The following FAM149A variants were observed in gnomAD, a reference collection of about 807,000 sequenced individuals.
FAM149A encodes the protein family with sequence similarity 149 member A, also known as protein FAM149A.
In FAM149A, 71 loss-of-function variants were observed where a neutral mutation model predicts 78.2. The observed-to-expected ratio is 0.91, with a 90% CI of 0.75 to 1.11. The LOEUF is 1.11. FAM149A is among the 50% of genes least tolerant of loss of function. The pLI, the probability that FAM149A is intolerant of heterozygous loss-of-function variation, is 0.00. For synonymous variants in FAM149A, 446 were observed against 410.5 expected (o/e 1.09, Z -1.04); for missense variants, 1,036 against 971.0 (o/e 1.07, Z -0.89).
chr4:186,123,993 T>C (rs1245960257), intron 1 of FAM149A: 2 of 985,228 alleles, frequency 2.0e-6, no homozygotes, highest in Non-Finnish European at 2.4e-6. Context: ...TTTTCTAATG[T>C]GTGAAAGAAG....
At chr4:186,137,373 C>T (rs1319102182) in intron 1 of FAM149A, among the ~76,000 whole-genome samples, 2 of 151,836 alleles carry the variant, frequency 1.3e-5, no homozygotes, top group African/African-American at 2.4e-5. Context: ...CTGGTCAGAG[C>T]GAAAGCATAC....
chr4:186,143,810 C>T (rs1183681386), intron 1 of FAM149A, among the ~76,000 whole-genome samples: 6 of 152,176 alleles, frequency 3.9e-5, no homozygotes, highest in South Asian at 2.1e-4. Context: ...GGATTACAGG[C>T]GTGAGCCACC....
chr4:186,110,447 GGTTA>G (rs2099310757), intron 1 of FAM149A: 1 of 474,734 alleles, frequency 2.1e-6, no homozygotes, highest in Non-Finnish European at 2.7e-6. Context: ...ACATTGTGCA[GGTTA>G]GTTACATATG....
chr4:186,123,922 G>C (rs2099317133), intron 1 of FAM149A: 2 of 982,894 alleles, frequency 2.0e-6, no homozygotes, highest in South Asian at 4.7e-5. Flanking sequence ...AGTGACAGTA[G>C]CTGAAATTGC....
At chr4:186,142,560 A>G (rs796737448) in intron 1 of FAM149A, among the ~76,000 whole-genome samples, 1 of 152,162 alleles carries the variant, frequency 6.6e-6, no homozygotes, top group African/African-American at 2.4e-5. Flanking sequence ...TGGAGGTGAC[A>G]CTGCCAGTTG....
At chr4:186,127,924 T>C (rs563427855) in intron 1 of FAM149A, among the ~76,000 whole-genome samples, 9 of 150,198 alleles carry the variant, frequency 6.0e-5, no homozygotes, top group African/African-American at 1.7e-4. Context: ...CTGACTTCAG[T>C]TGATCCTCCC....
chr4:186,130,372 A>G (rs1202736917), intron 1 of FAM149A, among the ~76,000 whole-genome samples: 1 of 148,754 alleles, frequency 6.7e-6, no homozygotes, highest in African/African-American at 2.5e-5. Context: ...AGATTGTAAC[A>G]GTAATTGTGT....
At chr4:186,169,278 A>G in intron 13 of FAM149A, 1 of 985,452 alleles carries the variant, frequency 1.0e-6, no homozygotes, top group Non-Finnish European at 1.2e-6. Flanking sequence ...GACAACTTAC[A>G]AAACACAAAA....
intron 1 of FAM149A, among the ~76,000 whole-genome samples, chr4:186,106,756 G>A (rs2099308919): frequency 6.6e-6 from 1 of 152,116 alleles, no homozygotes. Flanking sequence ...GACCATCCTG[G>A]CTAACACGAT....
rs777245243 is a variant in FAM149A, at chr4:186,153,730, C to A, written c.1018C>A (p.Pro340Thr). The A allele has an allele frequency of 4.3e-6, 7 of 1,613,840 alleles. No homozygotes were observed. The African/African-American group carries it at 9.3e-5, about 22-fold the overall frequency. The change falls in exon 5 of 14, where the codon CCC becomes ACC. Residue 340 changes from proline (P) to threonine (T), a missense_variant. Pro to Thr is a conservative substitution (Grantham distance 38, BLOSUM62 -1). Coordinates refer to ENST00000389354, the MANE Select transcript of FAM149A (RefSeq NM_001367768.3). The stretch of plus-strand genomic sequence containing the variant: ...CACTCCTGCCTCCGCAGTCCACAGA[C>A]CCCCGCTCAGTGCCTGCGGACACAG...
chr4:186,167,311 C>CACTGTCTGA, intron 13 of FAM149A, 49 bp downstream of exon 13: 1 of 1,490,334 alleles, frequency 6.7e-7, no homozygotes, highest in African/African-American at 1.4e-5. Context: ...AGTGAGATTT[C>CACTGTCTGA]AAGTTTCAGA....
intron 1 of FAM149A, chr4:186,122,852 C>G (rs2099316666): frequency 3.7e-6 from 2 of 544,380 alleles, no homozygotes; most frequent in Non-Finnish European, 4.7e-6. Flanking sequence ...TTTTTGGAGA[C>G]TAAGTGGTTC....
At position 186,104,783 on chromosome 4, in the gene FAM149A, G is replaced by A. The variant is rs1376115623; in HGVS notation, c.-294G>A. Among the ~76,000 whole-genome samples the A allele has an allele frequency of 6.6e-6, 1 of 151,490 alleles. No individual in the cohort carries two copies. ...GGGCGGCGGGCGTCTGGGGCGGGCGGCGGCCGCGCTTCCCGGGGCTCCTGG... is the reference window on the plus strand; with the variant it reads ...GGGCGGCGGGCGTCTGGGGCGGGCGACGGCCGCGCTTCCCGGGGCTCCTGG... On this transcript the variant is annotated 5_prime_UTR_variant, in exon 1 of 14. Transcript: ENST00000389354.
At position 186,175,174 on chromosome 4, in the gene FAM149A, G is replaced by A. The variant is rs997813405; in HGVS notation, c.*3187G>A. Among the ~76,000 whole-genome samples, 1 of 111,272 alleles carries A rather than the reference G, an allele frequency of 9.0e-6. No homozygotes were observed. Among genetic ancestry groups the A allele is most frequent in the African/African-American group, 2.8e-5 (1 of 35,728 alleles). 73.0% of individuals were successfully genotyped at this position (111,272 alleles called of 152,430 possible). A position where few individuals can be genotyped will look rare whatever the true frequency, so the allele number is the denominator to read the frequency against. ...ATGGAATTTCTACACCAATTCAGAA[G>A]TACGTTTTTATATATCATTTGGATA... On this transcript the variant is annotated 3_prime_UTR_variant, in exon 14 of 14. Transcript: ENST00000389354.
In FAM149A at chr4:186,152,539, C is replaced by CTTTTTTTTTTTTTT. The variant is rs10718602; in HGVS notation, c.932+504_932+517dup. ...AAGGCAAGCTTTTCTTTTCTTTTTG[C>CTTTTTTTTTTTTTT]TTTTTTTTTTTTTTTTTTTTTTTGA... On this transcript the variant is annotated intron_variant, in intron 4 of 13. Coordinates refer to ENST00000389354, the MANE Select transcript of FAM149A (RefSeq NM_001367768.3). 1.1e-4 allele frequency among the ~76,000 whole-genome samples: 10 copies of CTTTTTTTTTTTTTT among 88,270 alleles called. 1 individual carries two copies. The highest frequency in any genetic ancestry group is 1.4e-4 in the African/African-American group (3 of 21,006). The allele number at this position is 88,270 out of a possible 152,430, so 57.9% of individuals were successfully genotyped here.
At chr4:186,156,960 C>T (rs1008883291) in intron 7 of FAM149A, among the ~76,000 whole-genome samples, 2 of 151,604 alleles carry the variant, frequency 1.3e-5, no homozygotes, top group African/African-American at 4.8e-5. Flanking sequence ...CCATCTCTCC[C>T]CCAAAAATAG....
At chr4:186,114,032 T>C (rs1213977917) in intron 1 of FAM149A, among the ~76,000 whole-genome samples, 2 of 133,876 alleles carry the variant, frequency 1.5e-5, no homozygotes, top group African/African-American at 5.7e-5. Flanking sequence ...GGAGTCTAAG[T>C]CTCTTTGTAG....
Position 186,172,061 on chromosome 4 carries a change from AGT to A in FAM149A, c.*77_*78del. The A allele has an allele frequency of 6.4e-7, 1 of 1,569,956 alleles. No homozygotes were observed. Among genetic ancestry groups the A allele is most frequent in the East Asian group, 2.3e-5 (1 of 43,122 alleles). On this transcript the variant is annotated 3_prime_UTR_variant, in exon 14 of 14. Transcript: ENST00000389354. ...TTATCACTTGAAAAATGGAGGAACA[AGT>A]GTTATATTTATCTGTGTGTCTGACA...
chr4:186,160,293 CACACACCCCACACAA>C (rs1734463419), intron 8 of FAM149A, among the ~76,000 whole-genome samples: 1 of 139,940 alleles, frequency 7.1e-6, no homozygotes, highest in Admixed American at 6.9e-5. Flanking sequence ...ACACACCAAA[CACACACCCCACACAA>C]ACACACCACA....
Sources: allele counts gnomAD v4.1 joint callset (sites outside exome capture counted in the v4.1 genomes callset), GRCh38; gene constraint gnomAD v4.1.1; transcripts MANE v1.5; gene names NCBI Gene and HGNC (gene_info 2026-07-23, HGNC 2026-07-21).